Variants in AK9 observed in about 807,000 individuals in gnomAD.
The protein encoded by AK9 is adenylate kinase 9.
A neutral mutation model predicts 239.6 loss-of-function variants in AK9; 191 were observed. The observed-to-expected ratio is 0.80, with a 90% confidence interval of 0.71 to 0.90. AK9 has a LOEUF of 0.90. Among genes scored for constraint, AK9 ranks in the 40% least tolerant of loss-of-function variants. The pLI is 0.00. For synonymous variants in AK9, 689 were observed against 721.0 expected, an observed-to-expected ratio of 0.96 and a Z score of 0.71; for missense variants, 1,995 against 2,214.7, an observed-to-expected ratio of 0.90 and a Z score of 1.99.
At chr6:109,673,058 G>C (rs778789189) in intron 3 of AK9, among the ~76,000 whole-genome samples, 6 of 152,132 alleles carry the variant, frequency 3.9e-5, no homozygotes, top group Non-Finnish European at 8.8e-5. Flanking sequence ...AGGACATCCT[G>C]GGATAGGAAT....
At chr6:109,500,192 C>T (rs572766578) in intron 35 of AK9, among the ~76,000 whole-genome samples, 21 of 152,204 alleles carry the variant, frequency 1.4e-4, no homozygotes, top group African/African-American at 5.1e-4. Context: ...ACAAAGTTCT[C>T]CCTGTGCCCA....
chr6:109,677,037 A>G (rs1025247960), intron 1 of AK9, among the ~76,000 whole-genome samples: 2 of 152,172 alleles, frequency 1.3e-5, no homozygotes, highest in African/African-American at 4.8e-5. Flanking sequence ...GGAACTAAAC[A>G]TCAAGTACAC....
Position 109,585,133 on chromosome 6 carries a change from CTT to C in AK9, c.2102_2103del (p.Glu701GlyfsTer32). 1 of 1,164,340 alleles carries C rather than the reference CTT, an allele frequency of 8.6e-7. No homozygotes were observed. The highest frequency in any genetic ancestry group is 1.1e-6 in the Non-Finnish European group (1 of 912,602). 72.1% of individuals were successfully genotyped at this position (1,164,340 alleles called of 1,614,324 possible). A position where few individuals can be genotyped will look rare whatever the true frequency, so the allele number is the denominator to read the frequency against. ...CTAGGCAGATTTTACCTTGCTTCTT[CTT>C]CTTCTTTTTTTTTCTTTTGTAGTTC... The part of the protein sequence containing the change: ...LEELQKKKKE[E>X]EEARKATEEE... On this transcript the variant is annotated frameshift_variant, in exon 19 of 41. Coordinates refer to ENST00000424296, the MANE Select transcript of AK9 (RefSeq NM_001145128.3). LOFTEE classifies it high-confidence loss of function.
chr6:109,597,401 G>T (rs1332417024), intron 17 of AK9, among the ~76,000 whole-genome samples: 1 of 151,956 alleles, frequency 6.6e-6, no homozygotes, highest in Non-Finnish European at 1.5e-5. Context: ...TGCCGGGCGC[G>T]GTGGCTCATG....
At chr6:109,663,280 T>C (rs1284419236) in intron 5 of AK9, among the ~76,000 whole-genome samples, 1 of 152,186 alleles carries the variant, frequency 6.6e-6, no homozygotes, top group Non-Finnish European at 1.5e-5. Flanking sequence ...TTCAATTATG[T>C]TACTGTCTTG....
At chr6:109,679,184 C>T (rs1195351904) in intron 1 of AK9, among the ~76,000 whole-genome samples, 2 of 152,168 alleles carry the variant, frequency 1.3e-5, no homozygotes, top group African/African-American at 4.8e-5. Context: ...CCCCACAGAA[C>T]CCAGCAAGCT....
In AK9 at chr6:109,673,242, C is replaced by A. The variant is rs1003263872; in HGVS notation, c.181+956G>T. Among the ~76,000 whole-genome samples, 6 of 151,998 alleles carry A rather than the reference C, an allele frequency of 3.9e-5. No homozygotes were observed. In the East Asian group the frequency reaches 7.7e-4, roughly 20 times the overall value. On this transcript the variant is annotated intron_variant, in intron 3 of 40. Transcript: ENST00000424296. ...GTGAGTGTGTGTGTGTTATGTATTA[C>A]AAATTGTTCTCCAAAAAAATTGTAC...
chr6:109,557,923 T>C (rs1785222630), intron 24 of AK9, among the ~76,000 whole-genome samples: 1 of 152,224 alleles, frequency 6.6e-6, no homozygotes, highest in South Asian at 2.1e-4. Context: ...TCTTTGATTT[T>C]AGGCATTCTA....
At chr6:109,536,161 G>T (rs1210158280) in intron 27 of AK9, among the ~76,000 whole-genome samples, 1 of 152,210 alleles carries the variant, frequency 6.6e-6, no homozygotes, top group Non-Finnish European at 1.5e-5. Flanking sequence ...TTGGTAGCTT[G>T]ATGGGGATGG....
intron 17 of AK9, among the ~76,000 whole-genome samples, chr6:109,598,205 T>C (rs578214188): frequency 1.6e-4 from 24 of 151,818 alleles, no homozygotes; most frequent in African/African-American, 5.8e-4. Context: ...GTATATCTCC[T>C]AATGCTATCC....
At chr6:109,531,615 G>A (rs1781269800) in intron 28 of AK9, among the ~76,000 whole-genome samples, 1 of 152,158 alleles carries the variant, frequency 6.6e-6, no homozygotes, top group African/African-American at 2.4e-5. Context: ...ACTGGCTCCT[G>A]TACAGGACAG....
At chr6:109,682,080 C>T (rs1267712614) in intron 1 of AK9, among the ~76,000 whole-genome samples, 1 of 152,054 alleles carries the variant, frequency 6.6e-6, no homozygotes, top group Non-Finnish European at 1.5e-5. Context: ...CAAGAAATAA[C>T]TAAGATGAGA....
intron 38 of AK9, among the ~76,000 whole-genome samples, chr6:109,496,236 A>G (rs1283614006): frequency 6.6e-6 from 1 of 152,226 alleles, no homozygotes; most frequent in African/African-American, 2.4e-5. Context: ...TTCTTCCAGC[A>G]GTAGATGGGC....
chr6:109,654,680 G>A (rs1799443554), intron 8 of AK9, among the ~76,000 whole-genome samples: 1 of 152,194 alleles, frequency 6.6e-6, no homozygotes, highest in African/African-American at 2.4e-5. Flanking sequence ...TCTTAAGAGT[G>A]AACTACTAAG....
intron 10 of AK9, among the ~76,000 whole-genome samples, chr6:109,633,963 C>T (rs907662852): frequency 1.3e-5 from 2 of 152,082 alleles, no homozygotes; most frequent in Non-Finnish European, 2.9e-5. Context: ...CTTACTTAAC[C>T]ATATGATAGA....
chr6:109,635,998 G>A (rs1228143104), intron 10 of AK9, among the ~76,000 whole-genome samples: 1 of 152,134 alleles, frequency 6.6e-6, no homozygotes. Flanking sequence ...ACAATAATAC[G>A]ATGCCATAGG....
intron 21 of AK9, among the ~76,000 whole-genome samples, chr6:109,566,976 A>G (rs1333819226): frequency 6.6e-6 from 1 of 152,228 alleles, no homozygotes; most frequent in African/African-American, 2.4e-5. Context: ...AAGAGAAAGC[A>G]GGCAAGATCT....
intron 28 of AK9, among the ~76,000 whole-genome samples, chr6:109,532,598 T>C (rs1781423234): frequency 6.6e-6 from 1 of 152,252 alleles, no homozygotes; most frequent in South Asian, 2.1e-4. Flanking sequence ...TCCTTCTTAA[T>C]GCTGAGTAGT....
At chr6:109,528,600 T>C in intron 29 of AK9, 1 of 458,310 alleles carries the variant, frequency 2.2e-6, no homozygotes, top group Non-Finnish European at 4.4e-6. Context: ...TCTGCAATGC[T>C]TTGTGCCTGC....
Sources: allele counts gnomAD v4.1 joint callset (sites outside exome capture counted in the v4.1 genomes callset), GRCh38; gene constraint gnomAD v4.1.1; transcripts MANE v1.5; gene names NCBI Gene and HGNC (gene_info 2026-07-23, HGNC 2026-07-21).